The following LRRC4C variants were observed in gnomAD, a reference collection of about 807,000 sequenced individuals.
The protein encoded by LRRC4C is leucine-rich repeat-containing protein 4C.
Under a neutral mutation model 33.6 loss-of-function variants are expected in LRRC4C, and 5 were observed. That is an observed-to-expected ratio of 0.15 (90% confidence interval 0.08 to 0.31). LRRC4C has a LOEUF of 0.31. Ranked by LOEUF, LRRC4C falls within the 10% of genes least tolerant of loss-of-function variation. LRRC4C has a pLI of 1.00. For missense variants in LRRC4C, 560 were observed against 796.7 expected (o/e 0.70, Z 3.58); for synonymous variants, 329 against 302.0 (o/e 1.09, Z -0.93).
chr11:40,524,028 G>A (rs1955935313), intron 3 of LRRC4C, among the ~76,000 whole-genome samples: 1 of 152,062 alleles, frequency 6.6e-6, no homozygotes, highest in African/African-American at 2.4e-5. Flanking sequence ...TTGATATTTT[G>A]ATCCCAATCT....
intron 1 of LRRC4C, among the ~76,000 whole-genome samples, chr11:41,194,918 C>T (rs2171333): frequency 0.16 from 24,808 of 151,912 alleles, 2,725 homozygotes; most frequent in East Asian, 0.39. Context: ...ATCAAATGTA[C>T]TGATCCTAGT....
At chr11:40,807,194 T>C (rs536419184) in intron 2 of LRRC4C, among the ~76,000 whole-genome samples, 15 of 152,158 alleles carry the variant, frequency 9.9e-5, no homozygotes, top group Non-Finnish European at 1.5e-4. Flanking sequence ...TGATAAGTTG[T>C]CAATAATAAA....
chr11:40,905,526 G>T (rs917645427), intron 2 of LRRC4C, among the ~76,000 whole-genome samples: 3 of 152,154 alleles, frequency 2.0e-5, no homozygotes, highest in African/African-American at 7.2e-5. Context: ...AGGCAACAAG[G>T]AAAAACTAAC....
intron 4 of LRRC4C, among the ~76,000 whole-genome samples, chr11:40,263,147 T>C (rs1475861516): frequency 6.6e-6 from 1 of 152,092 alleles, no homozygotes. Flanking sequence ...CTGGACCTAA[T>C]TCTTATAGTA....
At chr11:41,270,696 C>G (rs887070585) in intron 1 of LRRC4C, among the ~76,000 whole-genome samples, 2 of 152,130 alleles carry the variant, frequency 1.3e-5, no homozygotes, top group African/African-American at 4.8e-5. Context: ...ATTAGCCAGG[C>G]ATTTTACCTT....
At chr11:40,195,743 C>CAA (rs34365679) in intron 5 of LRRC4C, among the ~76,000 whole-genome samples, 22 of 141,936 alleles carry the variant, frequency 1.5e-4, no homozygotes, top group African/African-American at 5.4e-4. Context: ...AGGTGATTGT[C>CAA]AAAAAAAAAA....
intron 2 of LRRC4C, among the ~76,000 whole-genome samples, chr11:40,929,495 T>C (rs1221077818): frequency 1.3e-5 from 2 of 152,134 alleles, no homozygotes; most frequent in East Asian, 1.9e-4. Flanking sequence ...TGGGGAAAAA[T>C]GTAGTTTGGG....
At chr11:40,842,893 A>G (rs757682708) in intron 2 of LRRC4C, among the ~76,000 whole-genome samples, 1 of 151,948 alleles carries the variant, frequency 6.6e-6, no homozygotes, top group African/African-American at 2.4e-5. Flanking sequence ...AGCTCCAAAC[A>G]CTCTTTTTGT....
chr11:40,768,929 A>G (rs553394111), intron 2 of LRRC4C, among the ~76,000 whole-genome samples: 1 of 152,170 alleles, frequency 6.6e-6, no homozygotes, highest in Non-Finnish European at 1.5e-5. Context: ...TGGAACATGA[A>G]AAGGATGCCC....
intron 1 of LRRC4C, among the ~76,000 whole-genome samples, chr11:41,306,516 C>G (rs1197723689): frequency 1.3e-5 from 2 of 152,216 alleles, no homozygotes; most frequent in Non-Finnish European, 2.9e-5. Flanking sequence ...GAAATACACA[C>G]TGCGCATATA....
At chr11:41,209,938 T>A (rs1565481919) in intron 1 of LRRC4C, among the ~76,000 whole-genome samples, 1 of 152,104 alleles carries the variant, frequency 6.6e-6, no homozygotes, top group Non-Finnish European at 1.5e-5. Context: ...AGGACTCGTG[T>A]CACTGTAGGG....
At chr11:40,243,854 ATTTT>A (rs60367465) in intron 4 of LRRC4C, among the ~76,000 whole-genome samples, 2 of 127,406 alleles carry the variant, frequency 1.6e-5, no homozygotes, top group Non-Finnish European at 1.7e-5. Flanking sequence ...ACACCTGGGT[ATTTT>A]TTTTTTTTTT....
chr11:40,201,627 C>A (rs920809733), intron 5 of LRRC4C, among the ~76,000 whole-genome samples: 1 of 152,090 alleles, frequency 6.6e-6, no homozygotes, highest in South Asian at 2.1e-4. Context: ...CCCATGGAAG[C>A]GCAGATGTAA....
chr11:40,136,305 C>T (rs1248128579), intron 6 of LRRC4C, among the ~76,000 whole-genome samples: 2 of 152,002 alleles, frequency 1.3e-5, no homozygotes, highest in African/African-American at 2.4e-5. Context: ...TTCGCTCTGT[C>T]GCCCAGGCTG....
intron 1 of LRRC4C, among the ~76,000 whole-genome samples, chr11:41,277,225 C>G: frequency 6.6e-6 from 1 of 152,118 alleles, no homozygotes; most frequent in East Asian, 1.9e-4. Context: ...TGAATGCTAA[C>G]ATGGCAAATA....
At chr11:41,116,611 AAG>A (rs1942141403) in intron 1 of LRRC4C, among the ~76,000 whole-genome samples, 1 of 152,118 alleles carries the variant, frequency 6.6e-6, no homozygotes, top group East Asian at 1.9e-4. Flanking sequence ...ATTTTGGAGA[AAG>A]AGTAAAATGG....
intron 1 of LRRC4C, among the ~76,000 whole-genome samples, chr11:41,107,502 G>C (rs1258062397): frequency 6.6e-6 from 1 of 151,522 alleles, no homozygotes; most frequent in East Asian, 1.9e-4. Context: ...TTCTAAAATA[G>C]AAACAAAGAA....
At chr11:40,790,625 C>T (rs1208558568) in intron 2 of LRRC4C, among the ~76,000 whole-genome samples, 1 of 152,194 alleles carries the variant, frequency 6.6e-6, no homozygotes, top group East Asian at 1.9e-4. Flanking sequence ...GAAGCATAGA[C>T]AACAACATCT....
chr11:41,110,096 C>A lies in LRRC4C; in HGVS notation c.-495-176373G>T, dbSNP rs1482810877. Among the ~76,000 whole-genome samples, 7 of 152,020 alleles carry A rather than the reference C, an allele frequency of 4.6e-5. No individual in the cohort carries two copies. In the East Asian group the frequency reaches 1.4e-3, roughly 29 times the overall value. On this transcript the variant is annotated intron_variant, in intron 1 of 6. Transcript: ENST00000528697. The stretch of plus-strand genomic sequence containing the variant: ...TTGCTCCATGGGAAGTCAGAAATAT[C>A]TACAACTACTCTGCTTATCTATATT...
Sources: gnomAD v4.1 joint callset for allele counts (sites outside exome capture counted in the v4.1 genomes callset) on GRCh38, gnomAD v4.1.1 for gene constraint, MANE v1.5 for transcripts, NCBI Gene and HGNC (gene_info 2026-07-23, HGNC 2026-07-21) for gene names.